The following ATL2 variants were observed in gnomAD, a reference collection of about 807,000 sequenced individuals.
ATL2 encodes the protein atlastin-2.
A neutral mutation model predicts 73.9 loss-of-function variants in ATL2; 31 were observed. The ratio of observed to expected loss-of-function variants is 0.42; its 90% confidence interval spans 0.32 to 0.57. ATL2 has a LOEUF of 0.57. Ranked by LOEUF, ATL2 falls within the 20% of genes least tolerant of loss-of-function variation. The probability of loss-of-function intolerance (pLI) is 0.14; values close to 1 mark genes in which losing one functional copy is unlikely to be tolerated. For synonymous variants in ATL2, 291 were observed against 237.5 expected, an observed-to-expected ratio of 1.23 and a Z score of -2.07; for missense variants, 738 against 702.6, an observed-to-expected ratio of 1.05 and a Z score of -0.57.
At chr2:38,377,352 C>A (rs1303958645), upstream of ATL2, 3 of 1,114,356 alleles carry the variant, frequency 2.7e-6, no homozygotes, top group South Asian at 3.1e-5. Context: ...GCCGGCGGGT[C>A]CTAGCGCCGC....
At chr2:38,355,121 T>C (rs963252296) in intron 1 of ATL2, among the ~76,000 whole-genome samples, 18 of 152,198 alleles carry the variant, frequency 1.2e-4, no homozygotes, top group African/African-American at 3.6e-4. Flanking sequence ...CAAAACTATA[T>C]ACTGTATTTC....
chr2:38,343,011 G>A (rs1017566819), intron 2 of ATL2, among the ~76,000 whole-genome samples: 4 of 150,486 alleles, frequency 2.7e-5, no homozygotes, highest in Non-Finnish European at 4.4e-5. Context: ...AGTTGGGCAT[G>A]GTGGCACACG....
chr2:38,327,661 G>A (rs114342656), intron 2 of ATL2, among the ~76,000 whole-genome samples: 5,599 of 152,034 alleles, frequency 0.037, 130 homozygotes, highest in African/African-American at 0.066. Context: ...ACTGTTGGCC[G>A]GGCACAGTGC....
chr2:38,329,423 CAAAAAA>C (rs70954711), intron 2 of ATL2, among the ~76,000 whole-genome samples: 66 of 13,658 alleles, frequency 4.8e-3, no homozygotes, highest in South Asian at 0.015. Context: ...ACTCCATCTC[CAAAAAA>C]AAAAAAAAAA....
At chr2:38,349,946 C>T (rs1670246411) in intron 1 of ATL2, among the ~76,000 whole-genome samples, 1 of 152,180 alleles carries the variant, frequency 6.6e-6, no homozygotes, top group Admixed American at 6.5e-5. Context: ...ACTTACTCCC[C>T]ATGGTGATTT....
Position 38,298,195 on chromosome 2 carries a change from G to A in ATL2, c.1581C>T (p.Phe527=). Residue 527 remains phenylalanine (F), a synonymous_variant, in exon 12 of 13, where the codon TTC becomes TTT. Coordinates refer to ENST00000378954, the MANE Select transcript of ATL2 (RefSeq NM_001135673.4). ...GATCAATCACTGTTCCAATTTCTCTGAACTCCCCAGAGTATTTAACATATG... is the reference window on the plus strand; with the variant it reads ...GATCAATCACTGTTCCAATTTCTCTAAACTCCCCAGAGTATTTAACATATG... ...TWAYVKYSGE[F]REIGTVIDQI... The A allele has an allele frequency of 1.2e-6, 2 of 1,613,942 alleles. No homozygotes were observed. Among genetic ancestry groups the A allele is most frequent in the Non-Finnish European group, 1.7e-6 (2 of 1,179,938 alleles).
intron 8 of ATL2, 56 bp from the exon 9 acceptor site, chr2:38,309,562 G>C: frequency 6.6e-7 from 1 of 1,513,700 alleles, no homozygotes; most frequent in Non-Finnish European, 8.9e-7. Context: ...GGTCCCCACT[G>C]GTACGATTTC....
At chr2:38,313,775 C>T (rs1358280030) in intron 6 of ATL2, among the ~76,000 whole-genome samples, 1 of 152,056 alleles carries the variant, frequency 6.6e-6, no homozygotes, top group South Asian at 2.1e-4. Flanking sequence ...AACGTTGAAC[C>T]ATATTTCTGG....
At chr2:38,367,622 C>A (rs151034119) in intron 1 of ATL2, among the ~76,000 whole-genome samples, 114,180 of 114,888 alleles carry the variant, frequency 0.99, 56,750 homozygotes, top group South Asian at 1. Flanking sequence ...AAAAACCGCC[C>A]ATTTAAAACA....
chr2:38,342,627 G>C (rs1044517085), intron 2 of ATL2, among the ~76,000 whole-genome samples: 3 of 152,170 alleles, frequency 2.0e-5, no homozygotes, highest in African/African-American at 7.2e-5. Context: ...GAGGAACACA[G>C]ATATACTTTT....
At position 38,315,999 on chromosome 2, in the gene ATL2, C is replaced by T. The variant is rs570219406; in HGVS notation, c.604-665G>A. On this transcript the variant is annotated intron_variant, in intron 4 of 12. Coordinates refer to ENST00000378954, the MANE Select transcript of ATL2 (RefSeq NM_001135673.4). ...GGAGGGTCTAAGTATCCTCAGGAAA[C>T]GGGGATTTTCATCCATTAATTCTAA... Among the ~76,000 whole-genome samples, 27 of 152,274 alleles carry T rather than the reference C, an allele frequency of 1.8e-4. No homozygotes were observed. In the South Asian group the frequency reaches 4.3e-3, roughly 25 times the overall value.
At chr2:38,352,028 C>T (rs1670376968) in intron 1 of ATL2, among the ~76,000 whole-genome samples, 1 of 136,386 alleles carries the variant, frequency 7.3e-6, no homozygotes, top group Non-Finnish European at 1.6e-5. Flanking sequence ...AGGAGAATTG[C>T]TTGAACCCAG....
chr2:38,343,556 T>A (rs1446051655), intron 1 of ATL2, 44 bp from the exon 2 acceptor site: 1 of 1,566,680 alleles, frequency 6.4e-7, no homozygotes, highest in African/African-American at 1.4e-5. Flanking sequence ...AATCCCTATA[T>A]TACGAACTTT....
chr2:38,305,228 T>C (rs1045113583), intron 9 of ATL2, among the ~76,000 whole-genome samples: 1 of 152,148 alleles, frequency 6.6e-6, no homozygotes, highest in Non-Finnish European at 1.5e-5. Context: ...GCAAGTATTA[T>C]TAGAAACTAA....
At chr2:38,296,563 T>G (rs778587117) in intron 12 of ATL2, 8 of 1,614,128 alleles carry the variant, frequency 5.0e-6, no homozygotes, top group Non-Finnish European at 6.8e-6. Context: ...ATTCGACGTC[T>G]AGTAACTTCA....
At chr2:38,320,898 A>G (rs949180310) in intron 2 of ATL2, among the ~76,000 whole-genome samples, 1 of 151,566 alleles carries the variant, frequency 6.6e-6, no homozygotes, top group Non-Finnish European at 1.5e-5. Flanking sequence ...TAATCCCAGC[A>G]CTTTGAGAGG....
In ATL2 at chr2:38,313,260, T is replaced by A; in HGVS notation, c.712-17A>T. ...CATTAATGTCTATACACAGAAAAAA[T>A]AAAAATTGTTTATTTTACAATAAAG... On this transcript the variant is annotated splice_polypyrimidine_tract_variant and intron_variant, in intron 6 of 12. Coordinates refer to ENST00000378954, the MANE Select transcript of ATL2 (RefSeq NM_001135673.4). 1.9e-6 allele frequency: 3 copies of A among 1,554,194 alleles called. No individual in the cohort carries two copies. The highest frequency in any genetic ancestry group is 1.2e-5 in the South Asian group (1 of 84,480).
chr2:38,325,134 G>C (rs1668524798), intron 2 of ATL2, among the ~76,000 whole-genome samples: 1 of 152,200 alleles, frequency 6.6e-6, no homozygotes, highest in African/African-American at 2.4e-5. Context: ...ACTGAGATTT[G>C]ACTTTAGAGT....
chr2:38,367,303 T>A (rs965346033), intron 1 of ATL2, among the ~76,000 whole-genome samples: 1 of 151,836 alleles, frequency 6.6e-6, no homozygotes, highest in African/African-American at 2.4e-5. Flanking sequence ...AAACAATCAA[T>A]ATATGATTAA....
Sources: gnomAD v4.1 joint callset for allele counts (sites outside exome capture counted in the v4.1 genomes callset) on GRCh38, gnomAD v4.1.1 for gene constraint, MANE v1.5 for transcripts, NCBI Gene and HGNC (gene_info 2026-07-23, HGNC 2026-07-21) for gene names.